Variants in MATCAP2 observed in about 807,000 individuals in gnomAD.
MATCAP2 encodes putative tyrosine carboxypeptidase MATCAP2.
At chr7:36,338,017 T>C in the MATCAP2 span, among the ~76,000 whole-genome samples, 1 of 152,070 alleles carries the variant, frequency 6.6e-6, no homozygotes, top group Non-Finnish European at 1.5e-5. Context: ...CTTTAAACCA[T>C]AAAATCTCAT....
chr7:36,389,853 G>T, the MATCAP2 span: 1 of 1,203,976 alleles, frequency 8.3e-7, no homozygotes, highest in Non-Finnish European at 1.2e-6. Context: ...TTGAACGGCT[G>T]CAGAGGCCGA....
the MATCAP2 span, among the ~76,000 whole-genome samples, chr7:36,374,138 G>A: frequency 1.3e-5 from 2 of 152,092 alleles, no homozygotes; most frequent in Admixed American, 1.3e-4. Context: ...GAGTGTAGTG[G>A]TGAGATCACA....
the MATCAP2 span, chr7:36,334,095 T>C: frequency 6.2e-7 from 1 of 1,614,178 alleles, no homozygotes. Flanking sequence ...TAGCTCATGT[T>C]TTTTACGTCC....
the MATCAP2 span, among the ~76,000 whole-genome samples, chr7:36,337,120 A>AAAAAAAAAAAAAAAAAAAAAAAC: frequency 6.8e-6 from 1 of 147,472 alleles, no homozygotes; most frequent in Non-Finnish European, 1.5e-5. Flanking sequence ...AAAAAAAAAA[A>AAAAAAAAAAAAAAAAAAAAAAAC]AAAAAGCAAT....
chr7:36,365,139 T>C, the MATCAP2 span, among the ~76,000 whole-genome samples: 3 of 152,380 alleles, frequency 2.0e-5, no homozygotes, highest in Middle Eastern at 6.8e-3. Context: ...TTGATCATAG[T>C]ATCTACTTTC....
At chr7:36,357,701 G>T in the MATCAP2 span, 2 of 778,062 alleles carry the variant, frequency 2.6e-6, no homozygotes, top group Non-Finnish European at 4.0e-6. Context: ...TAATTTTGCA[G>T]TAATCATTAG....
the MATCAP2 span, among the ~76,000 whole-genome samples, chr7:36,343,649 A>AAG: frequency 2.7e-3 from 14 of 5,206 alleles, no homozygotes; most frequent in Non-Finnish European, 0.057. Context: ...AGAAAAAGAA[A>AAG]AGAGAAGGAA....
chr7:36,358,611 A>G, the MATCAP2 span, among the ~76,000 whole-genome samples: 3 of 152,236 alleles, frequency 2.0e-5, no homozygotes, highest in African/African-American at 4.8e-5. Context: ...CTTTAAACAG[A>G]TAAGAATCAC....
chr7:36,332,529 T>A, the MATCAP2 span, among the ~76,000 whole-genome samples: 3 of 152,244 alleles, frequency 2.0e-5, no homozygotes, highest in Non-Finnish European at 4.4e-5. Flanking sequence ...CACTACGCTG[T>A]CATACGATTA....
chr7:36,330,379 G>A, the MATCAP2 span, among the ~76,000 whole-genome samples: 19 of 152,160 alleles, frequency 1.2e-4, no homozygotes, highest in East Asian at 5.8e-4. Flanking sequence ...GTTTGCGGGC[G>A]TGAGCCACCC....
the MATCAP2 span, among the ~76,000 whole-genome samples, chr7:36,352,842 G>GT: frequency 2.7e-5 from 4 of 147,760 alleles, no homozygotes; most frequent in Non-Finnish European, 6.0e-5. Context: ...AAAAAAAAAA[G>GT]TATTATGTTT....
the MATCAP2 span, among the ~76,000 whole-genome samples, chr7:36,361,900 T>A: frequency 6.6e-6 from 1 of 152,322 alleles, no homozygotes; most frequent in African/African-American, 2.4e-5. Flanking sequence ...TGAAGCCACA[T>A]CAAAAGATTT....
chr7:36,388,120 A>C, the MATCAP2 span, among the ~76,000 whole-genome samples: 2 of 152,198 alleles, frequency 1.3e-5, no homozygotes, highest in African/African-American at 4.8e-5. Context: ...GCAGATGATT[A>C]TTCCTGTTAC....
At chr7:36,325,589 TG>T in the MATCAP2 span, 1 of 152,116 alleles carries the variant, frequency 6.6e-6, no homozygotes, top group East Asian at 1.9e-4. Context: ...CAATCTTGAG[TG>T]GGGTGTTTAC....
chr7:36,328,860 A>C, the MATCAP2 span, among the ~76,000 whole-genome samples: 1 of 151,942 alleles, frequency 6.6e-6, no homozygotes, highest in South Asian at 2.1e-4. Flanking sequence ...CCTGACCAAC[A>C]CGGAGAAACC....
the MATCAP2 span, among the ~76,000 whole-genome samples, chr7:36,352,097 CTTAAAA>C: frequency 1.3e-5 from 2 of 151,696 alleles, no homozygotes; most frequent in African/African-American, 4.8e-5. Flanking sequence ...CAAACCCTTT[CTTAAAA>C]TTAAACTTTT....
At chr7:36,331,080 C>T in the MATCAP2 span, 1 of 1,584,858 alleles carries the variant, frequency 6.3e-7, no homozygotes, top group Non-Finnish European at 8.7e-7. Flanking sequence ...CTAAAACACC[C>T]TGGAGGAACC....
the MATCAP2 span, among the ~76,000 whole-genome samples, chr7:36,360,828 A>T: frequency 6.6e-6 from 1 of 152,198 alleles, no homozygotes; most frequent in East Asian, 1.9e-4. Context: ...CTGAAAAATT[A>T]AAACATTTTA....
the MATCAP2 span, among the ~76,000 whole-genome samples, chr7:36,380,832 C>T: frequency 1.6e-4 from 24 of 152,302 alleles, no homozygotes; most frequent in African/African-American, 2.4e-4. Flanking sequence ...CAGGTTCAAG[C>T]GAGTCTCCTG....
Sources: gnomAD v4.1 joint callset for allele counts (sites outside exome capture counted in the v4.1 genomes callset) on GRCh38, gnomAD v4.1.1 for gene constraint, MANE v1.5 for transcripts, NCBI Gene and HGNC (gene_info 2026-07-23, HGNC 2026-07-21) for gene names.